The following STARD3 variants were observed in gnomAD, a reference collection of about 807,000 sequenced individuals.
STARD3 encodes the protein stAR-related lipid transfer protein 3.
A neutral mutation model predicts 62.0 loss-of-function variants in STARD3; 39 were observed. The ratio of observed to expected loss-of-function variants is 0.63; its 90% CI spans 0.49 to 0.82. The LOEUF (loss-of-function observed/expected upper bound fraction) is 0.82. STARD3 is among the 40% of genes least tolerant of loss of function. STARD3 has a pLI of 0.00. For missense variants in STARD3, 543 were observed against 584.5 expected, an observed-to-expected ratio of 0.93 and a Z score of 0.73; for synonymous variants, 229 against 242.4, an observed-to-expected ratio of 0.94 and a Z score of 0.51.
rs570173036 is a variant in STARD3 at position 39,660,499 on chromosome 17, G to A, written c.927G>A (p.Leu309=). 108 of 1,613,936 alleles carry A rather than the reference G, an allele frequency of 6.7e-5. No homozygotes were observed. The South Asian group carries it at 1.1e-3, about 16-fold the overall frequency. The change falls in exon 11 of 15, where the codon CTG becomes CTA. Residue 309 remains leucine (L), a synonymous_variant. Transcript: ENST00000336308. The surrounding 1 kb of genome is among the most constrained non-coding windows in gnomAD (Gnocchi z 4.8). ...EVILQPERMV[L]WNKTVTACQI... is the part of the protein sequence containing the mutation. ...TCCTGCAGCCCGAGAGGATGGTGCT[G>A]TGGAACAAGACAGTGACTGCCTGCC...
chr17:39,654,535 T>C (rs1363346867), intron 2 of STARD3, among the ~76,000 whole-genome samples: 8 of 136,030 alleles, frequency 5.9e-5, no homozygotes, highest in Non-Finnish European at 1.2e-4. Context: ...CCCCACGCAG[T>C]GCTTGGCCCA....
intron 5 of STARD3, 95 bp downstream of exon 5, chr17:39,658,121 CT>C (rs1231262630): frequency 7.3e-7 from 1 of 1,378,930 alleles, no homozygotes; most frequent in African/African-American, 1.4e-5. Flanking sequence ...GTGTCTGTCC[CT>C]GTTGTCCGGG....
rs766397458 is a variant in STARD3, at chr17:39,658,680, G to T, written c.548-42G>T. 5.0e-6 allele frequency: 8 copies of T among 1,611,508 alleles called. No homozygotes were observed. In the Admixed American group the frequency reaches 6.7e-5, roughly 13 times the overall value. On this transcript the variant is annotated intron_variant, in intron 6 of 14. Coordinates refer to ENST00000336308, the MANE Select transcript of STARD3 (RefSeq NM_006804.4). ...GGGTGGGGGTACCCCAGGCTGCTAG[G>T]GTGTAACTGTCCTCGGTCCGGGACC...
rs377400813 is a variant in STARD3, at chr17:39,653,472, C to A, written c.-51-9C>A. On this transcript the variant is annotated splice_polypyrimidine_tract_variant and intron_variant, in intron 1 of 14. Transcript: ENST00000336308. ...GTTTGACAGGACTCTGCCTCTGCCT[C>A]GCCCCCAGCCCTGCTGCTGAGGCCG... The A allele has an allele frequency of 1.3e-6, 2 of 1,559,636 alleles. No individual in the cohort carries two copies. Among genetic ancestry groups the A allele is most frequent in the South Asian group, 1.1e-5 (1 of 88,126 alleles).
At chr17:39,657,668 A>G (rs2145013614) in intron 3 of STARD3, 107 bp from the exon 4 acceptor site, 1 of 1,179,358 alleles carries the variant, frequency 8.5e-7, no homozygotes, top group East Asian at 2.3e-5. Context: ...TGAGGTGTGC[A>G]TGCCCATAGG....
intron 1 of STARD3, among the ~76,000 whole-genome samples, chr17:39,641,088 A>C (rs1412384976): frequency 6.6e-6 from 1 of 152,214 alleles, no homozygotes; most frequent in East Asian, 1.9e-4. Flanking sequence ...AGCCAGGCGC[A>C]GTGGTGCACA....
rs372769740 is a variant in STARD3 at position 39,660,233 on chromosome 17, C to T, written c.818C>T (p.Thr273Ile). 5 of 1,613,974 alleles carry T rather than the reference C, an allele frequency of 3.1e-6. No homozygotes were observed. The highest frequency in any genetic ancestry group is 1.3e-5 in the African/African-American group (1 of 74,912). The change falls in exon 10 of 15, where the codon ACC (threonine) becomes ATC (isoleucine). Residue 273 changes from threonine to isoleucine, a missense_variant. Physicochemically the swap from Thr to Ile is moderately conservative, Grantham distance 89. Coordinates refer to ENST00000336308, the MANE Select transcript of STARD3 (RefSeq NM_006804.4). This position sits in a 1 kb window ranked among gnomAD's most constrained non-coding sequence, Gnocchi z 4.8. Reference sequence around the variant, plus strand: ...TAGGAATATGGGGACACCGTGTACACCATTGAAGTTCCCTTTCACGGCAAG... The same window carrying T: ...TAGGAATATGGGGACACCGTGTACATCATTGAAGTTCCCTTTCACGGCAAG... ...KNNEYGDTVY[T>I]IEVPFHGKTF...
intron 13 of STARD3, 120 bp downstream of exon 13, chr17:39,661,205 T>C (rs2145045893): frequency 4.8e-6 from 4 of 840,136 alleles, no homozygotes; most frequent in Non-Finnish European, 7.6e-6. Flanking sequence ...TCCTGTTCCC[T>C]GTCCCGCTGG....
chr17:39,650,774 A>G (rs2057071159), intron 1 of STARD3, among the ~76,000 whole-genome samples: 1 of 152,260 alleles, frequency 6.6e-6, no homozygotes, highest in Non-Finnish European at 1.5e-5. Flanking sequence ...TGATCGTGCC[A>G]CTGCACTCCA....
intron 7 of STARD3, 100 bp from the exon 8 acceptor site, chr17:39,658,949 CTT>C: frequency 6.4e-7 from 1 of 1,565,122 alleles, no homozygotes; most frequent in Non-Finnish European, 8.8e-7. Flanking sequence ...CTCCCACACA[CTT>C]TTATCCCCCA....
intron 3 of STARD3, 126 bp from the exon 4 acceptor site, chr17:39,657,649 G>T: frequency 1.1e-6 from 1 of 945,852 alleles, no homozygotes; most frequent in Non-Finnish European, 1.7e-6. Flanking sequence ...TGACTCAGTC[G>T]TTGTCCCCTG....
chr17:39,656,579 C>T (rs569590529), intron 2 of STARD3, among the ~76,000 whole-genome samples: 2 of 152,282 alleles, frequency 1.3e-5, no homozygotes, highest in South Asian at 2.1e-4. Context: ...ACACCACTGC[C>T]CACCCCCACC....
chr17:39,657,893 G>T (rs1166392800), intron 4 of STARD3, 41 bp downstream of exon 4: 10 of 1,614,012 alleles, frequency 6.2e-6, no homozygotes, highest in Non-Finnish European at 8.5e-6. Flanking sequence ...GCCCTGGCAG[G>T]GCTGGTGGAA....
At chr17:39,643,545 T>C (rs2056998870) in intron 1 of STARD3, among the ~76,000 whole-genome samples, 1 of 152,166 alleles carries the variant, frequency 6.6e-6, no homozygotes, top group Non-Finnish European at 1.5e-5. Flanking sequence ...CTGGATGCAG[T>C]GCAACCTGTC....
At chr17:39,657,221 T>A in intron 3 of STARD3, 136 bp downstream of exon 3, 1 of 856,510 alleles carries the variant, frequency 1.2e-6, no homozygotes, top group Non-Finnish European at 1.8e-6. Flanking sequence ...GAGCCATCAG[T>A]CATTAAAACC....
chr17:39,638,300 CA>C (rs1187640264), intron 1 of STARD3, among the ~76,000 whole-genome samples: 1 of 152,218 alleles, frequency 6.6e-6, no homozygotes, highest in Admixed American at 6.5e-5. Flanking sequence ...TTTTAGAACA[CA>C]AGTCTTACGG....
At position 39,660,590 on chromosome 17, in the gene STARD3, A is replaced by G. The variant is rs2057185702; in HGVS notation, c.954+64A>G. ...GGCACAGCCACGCCTCAGTGGGATC[A>G]CTGAAGCACTCAGCGCCTCAGCTGC... On this transcript the variant is annotated intron_variant, in intron 11 of 14. Transcript: ENST00000336308. This position sits in a 1 kb window ranked among gnomAD's most constrained non-coding sequence, Gnocchi z 4.8. 5.8e-6 allele frequency: 9 copies of G among 1,560,636 alleles called. No individual in the cohort carries two copies. The highest frequency in any genetic ancestry group is 1.7e-4 in the Middle Eastern group (1 of 5,944).
In STARD3 at chr17:39,659,445, T is replaced by A; in HGVS notation, c.703-16T>A. ...GGCCCCAGGCTGACCCCTCCCTGCC[T>A]CCTGCTTCCGTCCAGGAGCGGGAGT... On this transcript the variant is annotated splice_polypyrimidine_tract_variant and intron_variant, in intron 8 of 14. Coordinates refer to ENST00000336308, the MANE Select transcript of STARD3 (RefSeq NM_006804.4). 1 of 1,613,404 alleles carries A rather than the reference T, an allele frequency of 6.2e-7. No individual in the cohort carries two copies. The highest frequency in any genetic ancestry group is 8.5e-7 in the Non-Finnish European group (1 of 1,179,480).
At chr17:39,652,094 TA>T (rs955264224) in intron 1 of STARD3, among the ~76,000 whole-genome samples, 9 of 152,170 alleles carry the variant, frequency 5.9e-5, no homozygotes, top group African/African-American at 2.2e-4. Flanking sequence ...GTCGTATCTG[TA>T]AAAGAAGAGG....
Sources: allele counts gnomAD v4.1 joint callset (sites outside exome capture counted in the v4.1 genomes callset), GRCh38; gene constraint gnomAD v4.1.1; non-coding constraint Gnocchi (gnomAD v3.1); transcripts MANE v1.5; gene names NCBI Gene and HGNC (gene_info 2026-07-23, HGNC 2026-07-21).